The following DPYSL3 variants were observed in gnomAD, a reference collection of about 807,000 sequenced individuals.
DPYSL3 encodes dihydropyrimidinase-related protein 3.
DPYSL3 carries 16 observed loss-of-function variants against 66.1 expected under a neutral mutation model. The ratio of observed to expected loss-of-function variants is 0.24; its 90% CI spans 0.16 to 0.37. The LOEUF is 0.37. Among genes scored for constraint, DPYSL3 ranks in the 10% least tolerant of loss-of-function variants. DPYSL3 has a pLI of 1.00. For synonymous variants in DPYSL3, 338 were observed against 345.1 expected, an observed-to-expected ratio of 0.98 and a Z score of 0.23; for missense variants, 738 against 916.2, an observed-to-expected ratio of 0.81 and a Z score of 2.51.
At chr5:147,479,233 G>C (rs1474666969) in intron 1 of DPYSL3, among the ~76,000 whole-genome samples, 1 of 152,198 alleles carries the variant, frequency 6.6e-6, no homozygotes, top group East Asian at 1.9e-4. Flanking sequence ...GTGAGGCTCA[G>C]AGAGGTTATT....
At chr5:147,481,110 A>G (rs1026727188) in intron 1 of DPYSL3, among the ~76,000 whole-genome samples, 2 of 152,222 alleles carry the variant, frequency 1.3e-5, no homozygotes, top group East Asian at 3.9e-4. Flanking sequence ...CATAAAATTC[A>G]GAGAGGAAAT....
At chr5:147,496,762 G>GAAAT (rs1234007405) in intron 1 of DPYSL3, among the ~76,000 whole-genome samples, 1 of 151,818 alleles carries the variant, frequency 6.6e-6, no homozygotes, top group African/African-American at 2.4e-5. Context: ...AGGTGCTGGA[G>GAAAT]AGGATGTGGA....
chr5:147,398,118 C>T (rs1758051125), intron 11 of DPYSL3, among the ~76,000 whole-genome samples: 2 of 152,192 alleles, frequency 1.3e-5, no homozygotes, highest in South Asian at 2.1e-4. Flanking sequence ...CAAAGAGAAG[C>T]TGGATAACTA....
intron 6 of DPYSL3, among the ~76,000 whole-genome samples, chr5:147,411,640 G>A (rs1751854503): frequency 6.6e-6 from 1 of 152,198 alleles, no homozygotes; most frequent in Admixed American, 6.5e-5. Flanking sequence ...GCACACAGTA[G>A]TCAGTGCTCA....
At chr5:147,484,753 C>G (rs1186011402) in intron 1 of DPYSL3, among the ~76,000 whole-genome samples, 2 of 152,186 alleles carry the variant, frequency 1.3e-5, no homozygotes, top group South Asian at 2.1e-4. Flanking sequence ...CACCATGTCA[C>G]ACAAGACCAG....
At chr5:147,491,743 T>A (rs1753417967) in intron 1 of DPYSL3, among the ~76,000 whole-genome samples, 1 of 146,980 alleles carries the variant, frequency 6.8e-6, no homozygotes, top group African/African-American at 2.5e-5. Context: ...AAAACTGAAA[T>A]GCAGGGAGAA....
intron 1 of DPYSL3, among the ~76,000 whole-genome samples, chr5:147,489,843 C>T (rs1753389006): frequency 6.6e-6 from 1 of 151,606 alleles, no homozygotes; most frequent in Admixed American, 6.6e-5. Context: ...TGAAAAGTTA[C>T]CGATGGATAC....
rs531343863 is a variant in DPYSL3, at chr5:147,423,944, C to G, written c.470+931G>C. 6.6e-5 allele frequency among the ~76,000 whole-genome samples: 10 copies of G among 152,262 alleles called. No homozygotes were observed. In the South Asian group the frequency reaches 2.1e-3, roughly 32 times the overall value. Reference sequence around the variant, plus strand: ...TGTTGCCCAGGCTGATCTCATACTCCTGAGCTCAAGTGATCTGTCCGCCTC... The same window carrying G: ...TGTTGCCCAGGCTGATCTCATACTCGTGAGCTCAAGTGATCTGTCCGCCTC... On this transcript the variant is annotated intron_variant, in intron 2 of 13. Transcript: ENST00000343218.
At chr5:147,422,152 A>T (rs1438823180) in intron 2 of DPYSL3, among the ~76,000 whole-genome samples, 1 of 152,208 alleles carries the variant, frequency 6.6e-6, no homozygotes, top group Non-Finnish European at 1.5e-5. Context: ...CAACTTTACA[A>T]GAAAAAAACA....
chr5:147,448,427 C>A (rs540888455), intron 1 of DPYSL3, among the ~76,000 whole-genome samples: 1 of 152,158 alleles, frequency 6.6e-6, no homozygotes, highest in South Asian at 2.1e-4. Context: ...TTTTATATAA[C>A]GCTGTTTATT....
intron 1 of DPYSL3, among the ~76,000 whole-genome samples, chr5:147,427,155 T>C (rs546619433): frequency 6.6e-6 from 1 of 152,222 alleles, no homozygotes; most frequent in Non-Finnish European, 1.5e-5. Context: ...GTCATCTCCT[T>C]TGTCAAGGCT....
At chr5:147,441,853 T>C (rs1581196396) in intron 1 of DPYSL3, among the ~76,000 whole-genome samples, 3 of 152,166 alleles carry the variant, frequency 2.0e-5, no homozygotes, top group Middle Eastern at 6.8e-3. Context: ...GAGCATGCAA[T>C]GAAGTAAGTG....
chr5:147,469,744 A>G (rs1753057844), intron 1 of DPYSL3, among the ~76,000 whole-genome samples: 1 of 152,186 alleles, frequency 6.6e-6, no homozygotes, highest in African/African-American at 2.4e-5. Context: ...GAGGTCACCC[A>G]TTCTCACTGG....
Position 147,397,948 on chromosome 5 carries a change from G to A in DPYSL3, c.1624-103C>T. 7 of 1,250,480 alleles carry A rather than the reference G, an allele frequency of 5.6e-6. No homozygotes were observed. In the East Asian group the frequency reaches 1.8e-4, roughly 32 times the overall value. 77.5% of individuals were successfully genotyped at this position (1,250,480 alleles called of 1,614,324 possible). On this transcript the variant is annotated intron_variant, in intron 11 of 13. Transcript: ENST00000343218. ...GTGTCATTTGCTGCTGATTCACCAG[G>A]TAAGCCAGGAAAAGCTCACCATGCA...
At chr5:147,453,729 GC>G in intron 1 of DPYSL3, 3 of 1,315,068 alleles carry the variant, frequency 2.3e-6, no homozygotes, top group South Asian at 2.1e-5. Flanking sequence ...GCCCGCCTCC[GC>G]CCCCCTCCCG....
At chr5:147,446,419 T>C (rs1752630227) in intron 1 of DPYSL3, among the ~76,000 whole-genome samples, 1 of 152,228 alleles carries the variant, frequency 6.6e-6, no homozygotes, top group Non-Finnish European at 1.5e-5. Flanking sequence ...CGTTTTACCC[T>C]TAAAATCTCA....
intron 1 of DPYSL3, 89 bp from the exon 2 acceptor site, chr5:147,425,052 G>T: frequency 1.0e-6 from 1 of 971,376 alleles, no homozygotes; most frequent in Non-Finnish European, 1.6e-6. Flanking sequence ...CATTGTTCTA[G>T]ATGTCTAGTA....
At chr5:147,420,540 C>A (rs185844724) in intron 2 of DPYSL3, among the ~76,000 whole-genome samples, 1 of 152,112 alleles carries the variant, frequency 6.6e-6, no homozygotes, top group Non-Finnish European at 1.5e-5. Context: ...AGTACCATAC[C>A]GTGTGACATA....
intron 1 of DPYSL3, among the ~76,000 whole-genome samples, chr5:147,455,029 C>G (rs1752820935): frequency 6.6e-6 from 1 of 152,178 alleles, no homozygotes; most frequent in African/African-American, 2.4e-5. Flanking sequence ...TCTTAATGTT[C>G]TATTAAATAG....
Sources: allele counts gnomAD v4.1 joint callset (sites outside exome capture counted in the v4.1 genomes callset), GRCh38; gene constraint gnomAD v4.1.1; transcripts MANE v1.5; gene names NCBI Gene and HGNC (gene_info 2026-07-23, HGNC 2026-07-21).